TAFA5: variants seen among roughly 807,000 people sequenced by gnomAD.
The protein encoded by TAFA5 is chemokine-like protein TAFA-5.
Under a neutral mutation model 15.3 loss-of-function variants are expected in TAFA5, and 6 were observed. The observed-to-expected ratio is 0.39, with a 90% CI of 0.21 to 0.77. The LOEUF (loss-of-function observed/expected upper bound fraction) is 0.77, where lower values mean the gene tolerates loss of function less well. Among genes scored for constraint, TAFA5 ranks in the 30% least tolerant of loss-of-function variants. TAFA5 has a pLI of 0.41. For synonymous variants in TAFA5, 103 were observed against 80.7 expected, an observed-to-expected ratio of 1.28 and a Z score of -1.48; for missense variants, 161 against 193.1, an observed-to-expected ratio of 0.83 and a Z score of 0.98.
chr22:48,645,695 A>G lies in TAFA5; in HGVS notation c.113-902A>G, dbSNP rs1388392932. 2.6e-5 allele frequency among the ~76,000 whole-genome samples: 4 copies of G among 152,142 alleles called. No homozygotes were observed. In the East Asian group the frequency reaches 7.8e-4, roughly 30 times the overall value. Reference sequence around the variant, plus strand: ...AGGGTGCTCCTGTGGGAGCCTGTCCACGACACCCATGGGTGGTGGGTGTCT... The same window carrying G: ...AGGGTGCTCCTGTGGGAGCCTGTCCGCGACACCCATGGGTGGTGGGTGTCT... On this transcript the variant is annotated intron_variant, in intron 1 of 3. Coordinates refer to ENST00000402357, the MANE Select transcript of TAFA5 (RefSeq NM_001082967.3).
intron 1 of TAFA5, among the ~76,000 whole-genome samples, chr22:48,629,144 G>A (rs962767793): frequency 5.1e-4 from 77 of 152,196 alleles, no homozygotes; most frequent in Middle Eastern, 6.8e-3. Flanking sequence ...CCCTCGAGGT[G>A]GACTCCACTT....
At chr22:48,624,647 G>A (rs990104214) in intron 1 of TAFA5, among the ~76,000 whole-genome samples, 6 of 152,174 alleles carry the variant, frequency 3.9e-5, no homozygotes, top group African/African-American at 1.4e-4. Flanking sequence ...CGTGGGCTCC[G>A]TTGGCACAGC....
intron 1 of TAFA5, among the ~76,000 whole-genome samples, chr22:48,579,936 G>A (rs1923971005): frequency 6.6e-6 from 1 of 152,218 alleles, no homozygotes; most frequent in African/African-American, 2.4e-5. Context: ...TTTAAATGTG[G>A]GTTTGAGGTT....
chr22:48,657,786 T>G (rs1569067213), intron 2 of TAFA5, among the ~76,000 whole-genome samples: 1 of 152,088 alleles, frequency 6.6e-6, no homozygotes, highest in Non-Finnish European at 1.5e-5. Context: ...AAATGCCTGG[T>G]TGAAGCAGGT....
intron 2 of TAFA5, among the ~76,000 whole-genome samples, chr22:48,695,836 G>A (rs1019255585): frequency 6.6e-6 from 1 of 152,208 alleles, no homozygotes; most frequent in Non-Finnish European, 1.5e-5. Context: ...GAGTCCTGGC[G>A]AGGGGAGTCA....
At chr22:48,574,317 G>A (rs1923685496) in intron 1 of TAFA5, among the ~76,000 whole-genome samples, 1 of 152,050 alleles carries the variant, frequency 6.6e-6, no homozygotes, top group South Asian at 2.1e-4. Context: ...TGAGCCAGAG[G>A]TGAAGAACTG....
intron 3 of TAFA5, among the ~76,000 whole-genome samples, chr22:48,709,305 G>A (rs1415775383): frequency 6.6e-6 from 1 of 152,212 alleles, no homozygotes; most frequent in East Asian, 1.9e-4. Context: ...AAGTGCAGAA[G>A]CAAATGATTC....
chr22:48,628,738 G>A (rs368849137), intron 1 of TAFA5, among the ~76,000 whole-genome samples: 3 of 152,204 alleles, frequency 2.0e-5, no homozygotes, highest in South Asian at 2.1e-4. Flanking sequence ...AGGCCCCTTC[G>A]TAGGGTGTTT....
At chr22:48,674,163 A>G (rs1248185399) in intron 2 of TAFA5, among the ~76,000 whole-genome samples, 1 of 152,144 alleles carries the variant, frequency 6.6e-6, no homozygotes, top group East Asian at 1.9e-4. Flanking sequence ...CGGGCGGTGC[A>G]GATGTAGGTC....
intron 2 of TAFA5, among the ~76,000 whole-genome samples, chr22:48,704,199 C>T (rs1164502813): frequency 7.6e-6 from 1 of 132,216 alleles, no homozygotes; most frequent in Admixed American, 7.4e-5. Context: ...AACACACACG[C>T]GCACACACAC....
chr22:48,555,521 A>G (rs1923004569), intron 1 of TAFA5, among the ~76,000 whole-genome samples: 2 of 152,184 alleles, frequency 1.3e-5, no homozygotes, highest in Non-Finnish European at 2.9e-5. Flanking sequence ...GTGTCTTCAG[A>G]AGTGCGGATC....
At chr22:48,643,860 G>T (rs1228089690) in intron 1 of TAFA5, among the ~76,000 whole-genome samples, 1 of 152,222 alleles carries the variant, frequency 6.6e-6, no homozygotes, top group African/African-American at 2.4e-5. Context: ...CTGGGGTCAA[G>T]GTGGCGGCAA....
intron 2 of TAFA5, among the ~76,000 whole-genome samples, chr22:48,666,703 G>T (rs1211106646): frequency 1.3e-5 from 2 of 152,224 alleles, no homozygotes; most frequent in Non-Finnish European, 2.9e-5. Context: ...ACACCGGCTA[G>T]TTCCACTGCC....
At chr22:48,747,116 GGCCCT>G (rs1023514602) in intron 3 of TAFA5, among the ~76,000 whole-genome samples, 1 of 152,142 alleles carries the variant, frequency 6.6e-6, no homozygotes, top group Non-Finnish European at 1.5e-5. Context: ...ATTCCCGCCC[GGCCCT>G]GCCCTGCCCT....
chr22:48,656,164 GTTGC>G (rs1242366954), intron 2 of TAFA5, among the ~76,000 whole-genome samples: 1 of 152,040 alleles, frequency 6.6e-6, no homozygotes, highest in Non-Finnish European at 1.5e-5. Context: ...TTTTCAGGGT[GTTGC>G]TTGCTCTCTA....
intron 2 of TAFA5, among the ~76,000 whole-genome samples, chr22:48,649,818 C>A (rs547690749): frequency 1.3e-5 from 2 of 152,108 alleles, no homozygotes; most frequent in Admixed American, 6.5e-5. Context: ...ACAGCCAGGC[C>A]GTCCTTTCTT....
chr22:48,527,246 C>A (rs1325329303), intron 1 of TAFA5, among the ~76,000 whole-genome samples: 3 of 152,248 alleles, frequency 2.0e-5, no homozygotes, highest in Non-Finnish European at 4.4e-5. Context: ...TCACTTCCTC[C>A]TCTGTAAATG....
At chr22:48,600,497 T>G (rs529224461) in intron 1 of TAFA5, among the ~76,000 whole-genome samples, 7 of 152,206 alleles carry the variant, frequency 4.6e-5, no homozygotes, top group Non-Finnish European at 4.4e-5. Context: ...CTGTGCAGTG[T>G]GTATGTGTAG....
intron 3 of TAFA5, among the ~76,000 whole-genome samples, chr22:48,720,153 T>C (rs1201571453): frequency 6.6e-6 from 1 of 152,082 alleles, no homozygotes; most frequent in Non-Finnish European, 1.5e-5. Flanking sequence ...ACCCAGTGGG[T>C]GTGGCGGGGC....
Sources: allele counts gnomAD v4.1 joint callset (sites outside exome capture counted in the v4.1 genomes callset), GRCh38; gene constraint gnomAD v4.1.1; transcripts MANE v1.5; gene names NCBI Gene and HGNC (gene_info 2026-07-23, HGNC 2026-07-21).